DYM: variants seen among roughly 807,000 people sequenced by gnomAD.
The protein encoded by DYM is dymeclin.
In DYM, 78 loss-of-function variants were observed where a neutral mutation model predicts 93.1. That is an observed-to-expected ratio of 0.84 (90% CI 0.70 to 1.01). The LOEUF (loss-of-function observed/expected upper bound fraction) is 1.01. Among genes scored for constraint, DYM ranks in the 50% least tolerant of loss-of-function variants. DYM has a pLI of 0.00. For synonymous variants in DYM, 321 were observed against 319.7 expected (o/e 1.00, Z -0.04); for missense variants, 789 against 845.0 (o/e 0.93, Z 0.82).
intron 16 of DYM, among the ~76,000 whole-genome samples, chr18:49,102,003 T>A (rs1016503803): frequency 3.3e-5 from 5 of 152,216 alleles, no homozygotes; most frequent in Non-Finnish European, 7.3e-5. Flanking sequence ...AGATGTAGCA[T>A]GATGCAGTGG....
intron 15 of DYM, among the ~76,000 whole-genome samples, chr18:49,140,044 G>C (rs958187617): frequency 6.6e-6 from 1 of 151,998 alleles, no homozygotes. Flanking sequence ...TGAACAATGG[G>C]CACCCATTCA....
chr18:49,146,866 A>G (rs1475153686), intron 15 of DYM, among the ~76,000 whole-genome samples: 1 of 152,198 alleles, frequency 6.6e-6, no homozygotes, highest in Non-Finnish European at 1.5e-5. Context: ...ATATGGAACC[A>G]AAAAAGAGCC....
chr18:49,275,301 C>A (rs1156506705), intron 10 of DYM, among the ~76,000 whole-genome samples: 1 of 152,168 alleles, frequency 6.6e-6, no homozygotes, highest in Non-Finnish European at 1.5e-5. Context: ...TATTTCTAGA[C>A]TCTCAATTCA....
intron 16 of DYM, among the ~76,000 whole-genome samples, chr18:49,111,637 G>A (rs909606552): frequency 2.6e-5 from 4 of 152,088 alleles, no homozygotes; most frequent in African/African-American, 9.7e-5. Flanking sequence ...TGCTTTGCTG[G>A]GATCTGAAGT....
At chr18:49,275,119 T>C (rs1747678347) in intron 10 of DYM, among the ~76,000 whole-genome samples, 2 of 152,166 alleles carry the variant, frequency 1.3e-5, no homozygotes, top group South Asian at 4.1e-4. Context: ...TCTTTTTAGG[T>C]CTTTGACCCA....
chr18:49,280,982 C>T (rs1053549445), intron 10 of DYM, among the ~76,000 whole-genome samples: 5 of 152,240 alleles, frequency 3.3e-5, no homozygotes, highest in Admixed American at 2.0e-4. Flanking sequence ...AGCTTCTGCA[C>T]AGCAAAAGAA....
intron 14 of DYM, among the ~76,000 whole-genome samples, chr18:49,165,028 A>T (rs1428482661): frequency 6.6e-6 from 1 of 152,228 alleles, no homozygotes; most frequent in Non-Finnish European, 1.5e-5. Flanking sequence ...AGTTTAAAAG[A>T]GACACATTTG....
intron 15 of DYM, among the ~76,000 whole-genome samples, chr18:49,149,706 T>TTG (rs2085594805): frequency 7.2e-6 from 1 of 139,044 alleles, no homozygotes; most frequent in Admixed American, 7.2e-5. Context: ...CAAAGTGTTT[T>TTG]TTTTTTTTTT....
At chr18:49,202,668 G>T (rs1465953912) in intron 14 of DYM, among the ~76,000 whole-genome samples, 1 of 103,554 alleles carries the variant, frequency 9.7e-6, no homozygotes, top group Non-Finnish European at 2.0e-5. Flanking sequence ...TGTGAGGAGC[G>T]CCTCTGCCCG....
intron 14 of DYM, among the ~76,000 whole-genome samples, chr18:49,184,811 T>C (rs2090286838): frequency 6.6e-6 from 1 of 152,222 alleles, no homozygotes; most frequent in Non-Finnish European, 1.5e-5. Flanking sequence ...CATTTGATTG[T>C]GGGTAACTGA....
chr18:49,183,011 AACTT>A (rs1258963756), intron 14 of DYM, among the ~76,000 whole-genome samples: 1 of 152,232 alleles, frequency 6.6e-6, no homozygotes, highest in African/African-American at 2.4e-5. Context: ...TTTACGTAGA[AACTT>A]AAGGAACACT....
At chr18:49,083,284 G>C (rs566855214) in intron 17 of DYM, among the ~76,000 whole-genome samples, 1 of 152,170 alleles carries the variant, frequency 6.6e-6, no homozygotes, top group African/African-American at 2.4e-5. Context: ...TTGTCCTTTA[G>C]TCTACTAATA....
chr18:49,320,414 CTTATT>C (rs1410041473), intron 8 of DYM, among the ~76,000 whole-genome samples: 1 of 152,102 alleles, frequency 6.6e-6, no homozygotes, highest in African/African-American at 2.4e-5. Context: ...ATAAATGTAA[CTTATT>C]TTATTAATGT....
At chr18:49,212,341 C>T (rs2092821966) in intron 13 of DYM, among the ~76,000 whole-genome samples, 1 of 151,786 alleles carries the variant, frequency 6.6e-6, no homozygotes, top group Middle Eastern at 3.2e-3. Context: ...AGAAATACAC[C>T]ATGTAGTACT....
At chr18:49,290,677 T>C (rs1480689073) in intron 8 of DYM, among the ~76,000 whole-genome samples, 4 of 152,110 alleles carry the variant, frequency 2.6e-5, no homozygotes, top group Non-Finnish European at 5.9e-5. Context: ...TATATATGCA[T>C]GCTCCATTTG....
rs547646327 is a variant in DYM, at chr18:49,036,798, A to C, written c.*7257T>G. 2.6e-5 allele frequency among the ~76,000 whole-genome samples: 4 copies of C among 152,220 alleles called. No individual in the cohort carries two copies. Among genetic ancestry groups the C allele is most frequent in the African/African-American group, 9.6e-5 (4 of 41,466 alleles). On this transcript the variant is annotated 3_prime_UTR_variant, in exon 18 of 18. Coordinates refer to ENST00000675505, the MANE Select transcript of DYM (RefSeq NM_001353214.3). ...GCTCTTAAATATTTTAAATGTCTGC[A>C]TAATCTGAAGTAACTTACCTGTTTT...
rs895669 is a variant in DYM at position 49,044,292 on chromosome 18, C to T, written c.2026-88G>A. ...AGTTTGCAGGTGGTGCTGTGGTGTGCGGGGAGCCCACCCACCCCTGCCAAC... is the reference window on the plus strand; with the variant it reads ...AGTTTGCAGGTGGTGCTGTGGTGTGTGGGGAGCCCACCCACCCCTGCCAAC... On this transcript the variant is annotated intron_variant, in intron 17 of 17. Transcript: ENST00000675505. 118,940 of 1,488,718 alleles carry T rather than the reference C, an allele frequency of 0.08. 5,190 individuals are homozygous for T. Among genetic ancestry groups the T allele is most frequent in the Middle Eastern group, 0.11 (599 of 5,648 alleles). 92.2% of individuals were successfully genotyped at this position (1,488,718 alleles called of 1,614,324 possible).
chr18:49,184,529 A>G (rs1045409128), intron 14 of DYM, among the ~76,000 whole-genome samples: 13 of 152,170 alleles, frequency 8.5e-5, no homozygotes, highest in African/African-American at 2.9e-4. Flanking sequence ...GATACATTCT[A>G]AGACCCCCAG....
intron 10 of DYM, among the ~76,000 whole-genome samples, chr18:49,275,254 C>A (rs147269652): frequency 6.6e-6 from 1 of 152,030 alleles, no homozygotes; most frequent in East Asian, 1.9e-4. Context: ...GTCTTGGCAC[C>A]CTGGCTAAAA....
Sources: gnomAD v4.1 joint callset for allele counts (sites outside exome capture counted in the v4.1 genomes callset) on GRCh38, gnomAD v4.1.1 for gene constraint, MANE v1.5 for transcripts, NCBI Gene and HGNC (gene_info 2026-07-23, HGNC 2026-07-21) for gene names.